COL9A3: variants seen among roughly 807,000 people sequenced by gnomAD.
COL9A3 encodes the protein collagen alpha-3(IX) chain.
Under a neutral mutation model 110.2 loss-of-function variants are expected in COL9A3, and 82 were observed. The ratio of observed to expected loss-of-function variants is 0.74; its 90% CI spans 0.62 to 0.89. COL9A3 has a LOEUF of 0.89. Among genes scored for constraint, COL9A3 ranks in the 40% least tolerant of loss-of-function variants. The pLI is 0.00. For missense variants in COL9A3, 1,066 were observed against 981.3 expected (o/e 1.09, Z -1.15); for synonymous variants, 494 against 403.8 (o/e 1.22, Z -2.68).
In COL9A3 at chr20:62,819,951, C is replaced by G. The variant is rs370901644; in HGVS notation, c.278C>G (p.Pro93Arg). ...GVDGLTGRDGPPGPKGAPGER... is the reference protein window; with the variant it reads ...GVDGLTGRDGRPGPKGAPGER... ...CAGGGTCTGACTGGACGAGATGGACCCCCTGGACCCAAGGGTGCCCCTGGG... is the reference window on the plus strand; with the variant it reads ...CAGGGTCTGACTGGACGAGATGGACGCCCTGGACCCAAGGGTGCCCCTGGG... The change falls in exon 5 of 32, where the codon CCC (proline) becomes CGC (arginine). Residue 93 changes from proline (P) to arginine (R), a missense_variant. By Grantham distance (103) the Pro-to-Arg change is moderately radical (BLOSUM62 -2). Coordinates refer to ENST00000649368, the MANE Select transcript of COL9A3 (RefSeq NM_001853.4). The G allele has an allele frequency of 2.5e-6, 4 of 1,612,788 alleles. No individual in the cohort carries two copies. Among genetic ancestry groups the G allele is most frequent in the African/African-American group, 1.3e-5 (1 of 74,912 alleles).
At chr20:62,822,695 T>A in intron 10 of COL9A3, 63 bp downstream of exon 10, 1 of 1,555,184 alleles carries the variant, frequency 6.4e-7, no homozygotes, top group Non-Finnish European at 8.8e-7. Context: ...GGAGGGGTTC[T>A]GGCCTGGAGA....
Position 62,840,563 on chromosome 20 carries a change from C to T in COL9A3, c.1886C>T (p.Thr629Ile). ...CAAGGACCCCAAGGCGTGCCCGGCA[C>T]CAGCAAGGACGGCCAGGACGGTGCT... The part of the protein sequence containing the change: ...GPQGPQGVPG[T>I]SKDGQDGAPG... The change falls in exon 32 of 32, where the codon ACC (threonine) becomes ATC (isoleucine). Residue 629 changes from threonine to isoleucine, a missense_variant. By Grantham distance (89) the Thr-to-Ile change is moderately conservative. Coordinates refer to ENST00000649368, the MANE Select transcript of COL9A3 (RefSeq NM_001853.4). 1 of 1,612,330 alleles carries T rather than the reference C, an allele frequency of 6.2e-7. No individual in the cohort carries two copies. Among genetic ancestry groups the T allele is most frequent in the Non-Finnish European group, 8.5e-7 (1 of 1,179,862 alleles).
chr20:62,822,639 A>G lies in COL9A3; in HGVS notation c.519+7A>G. The G allele has an allele frequency of 6.2e-7, 1 of 1,611,860 alleles. No homozygotes were observed. ...AGGCGCTACTGACCTTCAGGTAGGC[A>G]CTTGAAGCCATTTGTTAAGGGTGCT... On this transcript the variant is annotated splice_region_variant and intron_variant, in intron 10 of 31. Coordinates refer to ENST00000649368, the MANE Select transcript of COL9A3 (RefSeq NM_001853.4).
intron 29 of COL9A3, 142 bp downstream of exon 29, chr20:62,836,674 G>A (rs1297173621): frequency 1.2e-5 from 11 of 904,916 alleles, no homozygotes; most frequent in Middle Eastern, 3.4e-4. Context: ...TTAGCCCTTG[G>A]GGGTCCACGT....
rs1442112496 is a variant in COL9A3 at position 62,837,164 on chromosome 20, C to A, written c.1685C>A (p.Pro562His). 5.0e-6 allele frequency: 8 copies of A among 1,613,018 alleles called. No individual in the cohort carries two copies. The South Asian group carries it at 5.5e-5, about 11-fold the overall frequency. The change falls in exon 30 of 32, where the codon CCT becomes CAT. Residue 562 changes from proline (P) to histidine (H), a missense_variant. Physicochemically the swap from Pro to His is moderately conservative, Grantham distance 77. Coordinates refer to ENST00000649368, the MANE Select transcript of COL9A3 (RefSeq NM_001853.4). ...SIGRPGPAGP[P>H]GPPGPPGSIG... is the part of the protein sequence containing the mutation. ...GGTCGGCCCGGTCCAGCTGGCCCCCCTGGGCCCCCAGGACCCCCAGGCTCC... is the reference window on the plus strand; with the variant it reads ...GGTCGGCCCGGTCCAGCTGGCCCCCATGGGCCCCCAGGACCCCCAGGCTCC...
chr20:62,825,637 G>A (rs540008893), intron 12 of COL9A3, 180 bp from the exon 13 acceptor site: 13 of 676,340 alleles, frequency 1.9e-5, no homozygotes, highest in Middle Eastern at 3.2e-4. Context: ...CGAGGCCACC[G>A]AGACTCGCGG....
chr20:62,840,954 C>A lies in COL9A3; in HGVS notation c.*222C>A. The A allele has an allele frequency of 1.7e-6, 1 of 574,810 alleles. No individual in the cohort carries two copies. The highest frequency in any genetic ancestry group is 3.1e-6 in the Non-Finnish European group (1 of 317,716). The allele number at this position is 574,810 out of a possible 1,614,324, so 35.6% of individuals were successfully genotyped here. On this transcript the variant is annotated 3_prime_UTR_variant, in exon 32 of 32. Transcript: ENST00000649368. The stretch of plus-strand genomic sequence containing the variant: ...CTAGCTAATAAACCTGTAAGCCCAG[C>A]ATTTGAGAGAAGGTAGGGTGTGTAT...
At chr20:62,840,362 G>A (rs1424512640) in intron 31 of COL9A3, among the ~76,000 whole-genome samples, 180 bp from the exon 32 acceptor site, 3 of 150,690 alleles carry the variant, frequency 2.0e-5, no homozygotes, top group Non-Finnish European at 4.4e-5. Context: ...GGACACTCCC[G>A]ACCGCCAGCC....
At chr20:62,826,718 CA>C in intron 14 of COL9A3, 48 bp from the exon 15 acceptor site, 1 of 1,604,934 alleles carries the variant, frequency 6.2e-7, no homozygotes. Flanking sequence ...GGGGGGATGC[CA>C]GCCAGGCCTC....
chr20:62,817,171 G>A (rs1243992494), intron 1 of COL9A3, 29 bp downstream of exon 1: 37 of 1,360,724 alleles, frequency 2.7e-5, no homozygotes, highest in Non-Finnish European at 3.5e-5. Flanking sequence ...CTCTGAGGCT[G>A]GACGTGGAGC....
Position 62,837,110 on chromosome 20 carries a change from T to A in COL9A3, c.1631T>A (p.Leu544Gln). The A allele has an allele frequency of 3.1e-6, 5 of 1,613,526 alleles. No homozygotes were observed. The highest frequency in any genetic ancestry group is 4.2e-6 in the Non-Finnish European group (5 of 1,180,004). ...CAAATTGCACAGTTAGCCGCGCACC[T>A]AAGGAAGCCTTTGGCACCCGGGTCC... Reference protein sequence around the residue: ...SEQIAQLAAHLRKPLAPGSIG... With the variant: ...SEQIAQLAAHQRKPLAPGSIG... The change falls in exon 30 of 32, where the codon CTA becomes CAA. Residue 544 changes from leucine (L) to glutamine (Q), a missense_variant. Coordinates refer to ENST00000649368, the MANE Select transcript of COL9A3 (RefSeq NM_001853.4).
In COL9A3 at chr20:62,824,602, C is replaced by T. The variant is rs942407447; in HGVS notation, c.576+101C>T. ...GAGGTGGCGGGTCCAGAAAGCTGGA[C>T]CCTGGTTCCAGGGTTGCCCCAGGAA... On this transcript the variant is annotated intron_variant, in intron 11 of 31. Coordinates refer to ENST00000649368, the MANE Select transcript of COL9A3 (RefSeq NM_001853.4). 1.2e-4 allele frequency: 153 copies of T among 1,276,920 alleles called. 1 individual carries two copies. The Middle Eastern group carries it at 2.3e-3, about 19-fold the overall frequency. 79.1% of individuals were successfully genotyped at this position (1,276,920 alleles called of 1,614,324 possible). A position where few individuals can be genotyped will look rare whatever the true frequency, so the allele number is the denominator to read the frequency against.
intron 3 of COL9A3, 127 bp from the exon 4 acceptor site, chr20:62,819,095 C>T: frequency 1.1e-6 from 1 of 948,456 alleles, no homozygotes; most frequent in Non-Finnish European, 1.7e-6. Context: ...GTAGGGGGGA[C>T]CCAGGAGAGG....
Position 62,818,438 on chromosome 20 carries a change from A to G in COL9A3, c.148-80A>G. On this transcript the variant is annotated intron_variant, in intron 2 of 31. Coordinates refer to ENST00000649368, the MANE Select transcript of COL9A3 (RefSeq NM_001853.4). ...GGCCTCTGGGGCTGATTTGGAGGCCAGCGCTGCTCTTTTCCCCGAGGCGGG... is the reference window on the plus strand; with the variant it reads ...GGCCTCTGGGGCTGATTTGGAGGCCGGCGCTGCTCTTTTCCCCGAGGCGGG... The G allele has an allele frequency of 3.6e-6, 5 of 1,379,404 alleles. No homozygotes were observed. The Admixed American group carries it at 8.4e-5, about 23-fold the overall frequency. 85.4% of individuals were successfully genotyped at this position (1,379,404 alleles called of 1,614,324 possible).
In COL9A3 at chr20:62,840,357, C is replaced by T. The variant is rs185589203; in HGVS notation, c.1865-185C>T. 1.5e-3 allele frequency among the ~76,000 whole-genome samples: 222 copies of T among 151,804 alleles called. 1 individual carries two copies. Among genetic ancestry groups the T allele is most frequent in the African/African-American group, 5.2e-3 (213 of 41,170 alleles). ...GGCCGCGCCTGGCCTTCCCCGGACA[C>T]TCCCGACCGCCAGCCCCGCGGAGAG... is the stretch of plus-strand genomic sequence containing the variant. On this transcript the variant is annotated intron_variant, in intron 31 of 31. Coordinates refer to ENST00000649368, the MANE Select transcript of COL9A3 (RefSeq NM_001853.4).
intron 10 of COL9A3, 34 bp downstream of exon 10, chr20:62,822,666 G>C: frequency 6.2e-7 from 1 of 1,607,230 alleles, no homozygotes; most frequent in Non-Finnish European, 8.5e-7. Context: ...AAGGGTGCTG[G>C]GGGGTGCCTA....
In COL9A3 at chr20:62,818,528, G is replaced by A. The variant is rs764051012; in HGVS notation, c.158G>A (p.Gly53Asp). The change falls in exon 3 of 32, where the codon GGT (glycine) becomes GAT (aspartate). Residue 53 changes from glycine to aspartate, a missense_variant. By Grantham distance (94) the Gly-to-Asp change is moderately conservative (BLOSUM62 -1). Coordinates refer to ENST00000649368, the MANE Select transcript of COL9A3 (RefSeq NM_001853.4). ...TGTCTTTCCTCACAGGGAGAAGCTG[G>A]TCCTCCAGGTCTGCCTGGGCCCCCG... ...PGQDGIDGEA[G>D]PPGLPGPPGP... The A allele has an allele frequency of 3.1e-6, 5 of 1,613,006 alleles. No homozygotes were observed. Among genetic ancestry groups the A allele is most frequent in the Admixed American group, 1.7e-5 (1 of 60,012 alleles).
rs1036479876 is a variant in COL9A3 at position 62,817,090 on chromosome 20, CGCTCCT to C, written c.43_48del (p.Leu15_Leu16del). 5.0e-5 allele frequency: 70 copies of C among 1,393,814 alleles called. No homozygotes were observed. The Middle Eastern group carries it at 1.1e-3, about 21-fold the overall frequency. 86.3% of individuals were successfully genotyped at this position (1,393,814 alleles called of 1,614,324 possible). A position where few individuals can be genotyped will look rare whatever the true frequency, so the allele number is the denominator to read the frequency against. The stretch of plus-strand genomic sequence containing the variant: ...ATGGCCGGGCCGCGCGCGTGCGCCC[CGCTCCT>C]GCTCCTGCTCCTGCTCGGGGAGCTT... On this transcript the variant is annotated inframe_deletion, in exon 1 of 32. Coordinates refer to ENST00000649368, the MANE Select transcript of COL9A3 (RefSeq NM_001853.4).
At chr20:62,835,975 C>G in intron 27 of COL9A3, 22 bp downstream of exon 27, 1 of 1,614,162 alleles carries the variant, frequency 6.2e-7, no homozygotes, top group Admixed American at 1.7e-5. Flanking sequence ...GCGACTGTTC[C>G]GATGACACCA....
Sources: gnomAD v4.1 joint callset for allele counts (sites outside exome capture counted in the v4.1 genomes callset) on GRCh38, gnomAD v4.1.1 for gene constraint, MANE v1.5 for transcripts, NCBI Gene and HGNC (gene_info 2026-07-23, HGNC 2026-07-21) for gene names.